The following CDC25B variants were observed in gnomAD, a reference collection of about 807,000 sequenced individuals.
CDC25B encodes the protein cell division cycle 25B, also known as M-phase inducer phosphatase 2.
Under a neutral mutation model 69.8 loss-of-function variants are expected in CDC25B, and 33 were observed. The ratio of observed to expected loss-of-function variants is 0.47; its 90% CI spans 0.36 to 0.63. CDC25B has a LOEUF of 0.63. Among genes scored for constraint, CDC25B ranks in the 30% least tolerant of loss-of-function variants. The pLI, the probability that CDC25B is intolerant of heterozygous loss-of-function variation, is 0.00. For synonymous variants in CDC25B, 341 were observed against 314.6 expected (o/e 1.08, Z -0.89); for missense variants, 727 against 809.1 (o/e 0.90, Z 1.23).
At chr20:3,796,148 G>T, upstream of CDC25B, 1 of 1,103,400 alleles carries the variant, frequency 9.1e-7, no homozygotes, top group South Asian at 2.9e-5. Flanking sequence ...TAATTCCTCC[G>T]GCCCACCCAA....
chr20:3,805,195 T>C lies in CDC25B; in HGVS notation c.*234T>C. ...GCCCAGTCTGTTGAGTTAGTTAAGT[T>C]GGGTTAATACCAGCTTAAAGGCAGT... On this transcript the variant is annotated 3_prime_UTR_variant, in exon 16 of 16. Coordinates refer to ENST00000245960, the MANE Select transcript of CDC25B (RefSeq NM_021873.4). 1.4e-5 allele frequency: 8 copies of C among 567,572 alleles called. No homozygotes were observed. In the South Asian group the frequency reaches 1.8e-4, roughly 13 times the overall value. The allele number at this position is 567,572 out of a possible 1,614,324, so 35.2% of individuals were successfully genotyped here.
At chr20:3,794,830 C>T (rs2088984103), upstream of CDC25B, among the ~76,000 whole-genome samples, 1 of 152,134 alleles carries the variant, frequency 6.6e-6, no homozygotes, top group African/African-American at 2.4e-5. Flanking sequence ...CTCCCTTTTG[C>T]CACCCCCATC....
chr20:3,795,095 C>T (rs1490292348), upstream of CDC25B, among the ~76,000 whole-genome samples: 8 of 152,180 alleles, frequency 5.3e-5, no homozygotes, highest in Non-Finnish European at 5.9e-5. Context: ...GGCACAGTGG[C>T]TCGTGCGTGT....
At chr20:3,793,264 C>T (rs2088944677), upstream of CDC25B, among the ~76,000 whole-genome samples, 1 of 152,114 alleles carries the variant, frequency 6.6e-6, no homozygotes. Flanking sequence ...TCGAGACCAG[C>T]CTGGCCAATA....
chr20:3,794,307 G>A (rs1188654627), upstream of CDC25B, among the ~76,000 whole-genome samples: 4 of 151,630 alleles, frequency 2.6e-5, no homozygotes, highest in African/African-American at 4.8e-5. Flanking sequence ...GGTGTGAGAT[G>A]GTATCTCATT....
chr20:3,787,727 G>T (rs1385368375), intron 1 of CDC25B, among the ~76,000 whole-genome samples: 1 of 152,154 alleles, frequency 6.6e-6, no homozygotes, highest in Non-Finnish European at 1.5e-5. Flanking sequence ...AGAGGGGAAG[G>T]CTGTGACCCA....
rs61746575 is a variant in CDC25B, at chr20:3,802,037, C to T, written c.1035C>T (p.Pro345=). 537 of 1,581,772 alleles carry T rather than the reference C, an allele frequency of 3.4e-4. 1 individual carries two copies. The African/African-American group carries it at 6.4e-3, about 19-fold the overall frequency. ...RLERPQDRDT[P]VQNKRRRSVT... is the part of the protein sequence containing the mutation. ...AGCGGCCCCAGGACAGGGACACGCC[C>T]GTGCAGAATAAGCGGAGGCGGAGCG... The change falls in exon 10 of 16, where the codon CCC becomes CCT. Residue 345 remains proline (P), a synonymous_variant. Coordinates refer to ENST00000245960, the MANE Select transcript of CDC25B (RefSeq NM_021873.4).
chr20:3,804,485 A>G, intron 14 of CDC25B, 84 bp from the exon 15 acceptor site: 1 of 839,176 alleles, frequency 1.2e-6, no homozygotes, highest in Non-Finnish European at 2.0e-6. Context: ...AGGCCCTCAA[A>G]GGAGGGGACG....
rs780682683 is a variant in CDC25B at position 3,798,434 on chromosome 20, C to T, written c.351C>T (p.Ser117=). 6 of 1,598,712 alleles carry T rather than the reference C, an allele frequency of 3.8e-6. No homozygotes were observed. The highest frequency in any genetic ancestry group is 5.1e-6 in the Non-Finnish European group (6 of 1,172,378). Residue 117 remains serine, a synonymous_variant, in exon 3 of 16, where the codon AGC becomes AGT. Coordinates refer to ENST00000245960, the MANE Select transcript of CDC25B (RefSeq NM_021873.4). The part of the protein sequence containing the change: ...SDAGLCMDSP[S]PMDPHMAEQT... ...CAGGTCTCTGCATGGATTCCCCCAG[C>T]CCTATGGACCCCCACATGGCGGAGC...
In CDC25B at chr20:3,796,704, C is replaced by T. The variant is rs768716565; in HGVS notation, c.173C>T (p.Thr58Ile). 1 of 1,565,104 alleles carries T rather than the reference C, an allele frequency of 6.4e-7. No individual in the cohort carries two copies. Among genetic ancestry groups the T allele is most frequent in the Non-Finnish European group, 8.6e-7 (1 of 1,164,516 alleles). ...ASSPVTTLTQ[T>I]MHDLAGLGSE... ...TCGCCGGTCACCACCCTCACCCAGA[C>T]CATGCACGACCTCGCCGGGCTCGGC... The change falls in exon 1 of 16, where the codon ACC (threonine) becomes ATC (isoleucine). Residue 58 changes from threonine to isoleucine, a missense_variant. Around this residue, in one of 2 missense-constraint regions of CDC25B, gnomAD observed 368 missense variants for 345.6 expected, o/e 1.06. Transcript: ENST00000245960.
At chr20:3,798,550 C>A in intron 3 of CDC25B, 87 bp downstream of exon 3, 1 of 1,120,928 alleles carries the variant, frequency 8.9e-7, no homozygotes, top group Non-Finnish European at 1.3e-6. Context: ...CCCGGGAGGC[C>A]TGGGAAAGCA....
At position 3,800,481 on chromosome 20, in the gene CDC25B, C is replaced by T. The variant is rs147172963; in HGVS notation, c.442C>T (p.Arg148Cys). The stretch of plus-strand genomic sequence containing the variant: ...CTGTAGCGAGCAGTTTGCCATCAGA[C>T]GCTTCCAGTCTATGCCGGTGAGTGT... ...IIRNEQFAIR[R>C]FQSMPVRLLG... The change falls in exon 5 of 16, where the codon CGC (arginine) becomes TGC (cysteine). Residue 148 changes from arginine (R) to cysteine (C), a missense_variant. Coordinates refer to ENST00000245960, the MANE Select transcript of CDC25B (RefSeq NM_021873.4). 117 of 1,614,116 alleles carry T rather than the reference C, an allele frequency of 7.2e-5. No individual in the cohort carries two copies. The highest frequency in any genetic ancestry group is 1.6e-4 in the Middle Eastern group (1 of 6,084).
rs908596904 is a variant in CDC25B at position 3,796,429 on chromosome 20, C to CG, written c.-103_-102insG. The CG allele has an allele frequency of 1.1e-4, 36 of 329,044 alleles. 1 individual carries two copies. The highest frequency in any genetic ancestry group is 1.5e-4 in the Non-Finnish European group (34 of 222,974). The allele number at this position is 329,044 out of a possible 1,614,324, so 20.4% of individuals were successfully genotyped here. A position where few individuals can be genotyped will look rare whatever the true frequency, so the allele number is the denominator to read the frequency against. On this transcript the variant is annotated 5_prime_UTR_variant, in exon 1 of 16. Transcript: ENST00000245960. ...CCTCCCTCCCTCCTTCCCCCCCCCCCCACCCCTCGCCCGCTGCCTCCCTCG... is the reference window on the plus strand; with the variant it reads ...CCTCCCTCCCTCCTTCCCCCCCCCCCGCACCCCTCGCCCGCTGCCTCCCTCG...
In CDC25B at chr20:3,797,736, A is replaced by C. The variant is rs1238719685; in HGVS notation, c.315A>C (p.Glu105Asp). Residue 105 changes from glutamate to aspartate, a missense_variant, in exon 2 of 16, where the codon GAA (glutamate) becomes GAC (aspartate). Glu to Asp is a conservative substitution (Grantham distance 45). Around this residue, in one of 2 missense-constraint regions of CDC25B, gnomAD observed 368 missense variants for 345.6 expected, o/e 1.06. Transcript: ENST00000245960. Reference protein sequence around the residue: ...SESSLSSESSESSDAGLCMDS... With the variant: ...SESSLSSESSDSSDAGLCMDS... ...CCTCCCTGTCGTCTGAATCCTCCGA[A>C]TCTTCTGATGCAGGTGAGGCCCAGG... 12 of 1,613,912 alleles carry C rather than the reference A, an allele frequency of 7.4e-6. No homozygotes were observed. The highest frequency in any genetic ancestry group is 1.0e-5 in the Non-Finnish European group (12 of 1,179,988).
At chr20:3,798,859 TTAAC>T (rs1321676881) in intron 3 of CDC25B, among the ~76,000 whole-genome samples, 1 of 152,238 alleles carries the variant, frequency 6.6e-6, no homozygotes, top group East Asian at 1.9e-4. Flanking sequence ...ATTCAAAACT[TTAAC>T]TCACTCTAGG....
chr20:3,797,699 G>A lies in CDC25B; in HGVS notation c.278G>A (p.Arg93Gln), dbSNP rs762720996. The change falls in exon 2 of 16, where the codon CGG (arginine) becomes CAG (glutamine). Residue 93 changes from arginine (R) to glutamine (Q), a missense_variant. This residue lies in a region of CDC25B where 368 missense variants were observed against 345.6 expected (regional missense o/e 1.06). Transcript: ENST00000245960. ...CTGACGCACCTATCCCTGTCTCGAC[G>A]GGCATCCGAATCCTCCCTGTCGTCT... ...SRLTHLSLSR[R>Q]ASESSLSSES... 3 of 1,613,936 alleles carry A rather than the reference G, an allele frequency of 1.9e-6. No individual in the cohort carries two copies. The highest frequency in any genetic ancestry group is 2.5e-6 in the Non-Finnish European group (3 of 1,180,014).
chr20:3,796,470 C>A lies in CDC25B; in HGVS notation c.-62C>A. The A allele has an allele frequency of 8.1e-7, 1 of 1,230,032 alleles. No homozygotes were observed. The highest frequency in any genetic ancestry group is 3.4e-4 in the Middle Eastern group (1 of 2,940). The allele number at this position is 1,230,032 out of a possible 1,614,324, so 76.2% of individuals were successfully genotyped here. On this transcript the variant is annotated 5_prime_UTR_variant, in exon 1 of 16. Coordinates refer to ENST00000245960, the MANE Select transcript of CDC25B (RefSeq NM_021873.4). ...GCCTCCCTCGGCCCAGCCAGCTGTG[C>A]CGGCGTTTGTTGGCTGCCCTGCGCC...
chr20:3,794,114 A>C (rs1010868813), upstream of CDC25B, among the ~76,000 whole-genome samples: 2 of 150,970 alleles, frequency 1.3e-5, no homozygotes, highest in Non-Finnish European at 2.9e-5. Context: ...GTATATACCC[A>C]GTAATGGGAT....
intron 15 of CDC25B, 59 bp downstream of exon 15, chr20:3,804,739 G>A: frequency 8.5e-7 from 1 of 1,180,290 alleles, no homozygotes; most frequent in East Asian, 3.6e-5. Context: ...CCAGGCTGGA[G>A]CCATGGGATG....
Sources: allele counts gnomAD v4.1 joint callset (sites outside exome capture counted in the v4.1 genomes callset), GRCh38; gene constraint gnomAD v4.1.1; regional missense constraint gnomAD v4.1.1; transcripts MANE v1.5; gene names NCBI Gene and HGNC (gene_info 2026-07-23, HGNC 2026-07-21).